Variants in HOPX observed in about 807,000 individuals in gnomAD.
The protein encoded by HOPX is HOP homeobox.
A neutral mutation model predicts 11.8 loss-of-function variants in HOPX; 5 were observed. The observed-to-expected ratio is 0.43, with a 90% confidence interval of 0.22 to 0.89. The LOEUF (loss-of-function observed/expected upper bound fraction) is 0.89, where lower values mean the gene tolerates loss of function less well. HOPX is among the 40% of genes least tolerant of loss of function. The pLI is 0.28. For synonymous variants in HOPX, 49 were observed against 49.7 expected (o/e 0.99, Z 0.06); for missense variants, 119 against 120.0 (o/e 0.99, Z 0.04).
At chr4:56,679,245 A>G (rs1443291337) in intron 1 of HOPX, 1 of 152,208 alleles carries the variant, frequency 6.6e-6, no homozygotes, top group African/African-American at 2.4e-5. Flanking sequence ...CTATCTCAAA[A>G]AAATAAAAAT....
intron 1 of HOPX, chr4:56,676,633 G>A (rs1227856662): frequency 2.0e-5 from 3 of 151,340 alleles, no homozygotes; most frequent in South Asian, 2.1e-4. Flanking sequence ...AACTGGTGTT[G>A]ACTGCTGCCC....
chr4:56,663,732 G>T (rs543543649), intron 1 of HOPX: 1 of 152,078 alleles, frequency 6.6e-6, no homozygotes, highest in Non-Finnish European at 1.5e-5. Flanking sequence ...TGATCCGCCA[G>T]CCTCGGCCTC....
chr4:56,670,404 A>G (rs1718673019), intron 1 of HOPX, among the ~76,000 whole-genome samples: 1 of 152,234 alleles, frequency 6.6e-6, no homozygotes, highest in Admixed American at 6.5e-5. Context: ...TTTAAACCAG[A>G]AGAGAAATGT....
chr4:56,648,458 C>A lies in HOPX; in HGVS notation c.*262G>T. On this transcript the variant is annotated 3_prime_UTR_variant, in exon 4 of 4. Coordinates refer to ENST00000420433, the MANE Select transcript of HOPX (RefSeq NM_032495.6). ...AGATGGTTTTCACACCATCTGTCAT[C>A]ATGACTCAAAGGGAAATGCTAGCCA... 2.8e-6 allele frequency: 1 copy of A among 352,142 alleles called. No homozygotes were observed. 21.8% of individuals were successfully genotyped at this position (352,142 alleles called of 1,614,324 possible).
chr4:56,674,796 G>A (rs766363899), intron 1 of HOPX, among the ~76,000 whole-genome samples: 3 of 151,104 alleles, frequency 2.0e-5, no homozygotes, highest in Non-Finnish European at 4.4e-5. Flanking sequence ...CCAGACTGGA[G>A]TACAGTGGCA....
intron 1 of HOPX, among the ~76,000 whole-genome samples, chr4:56,677,709 G>C (rs1048534061): frequency 6.6e-6 from 1 of 151,536 alleles, no homozygotes; most frequent in Non-Finnish European, 1.5e-5. Context: ...ACCCATACAG[G>C]TGCTGAGGGA....
intron 1 of HOPX, among the ~76,000 whole-genome samples, chr4:56,670,158 C>G (rs1718659337): frequency 6.6e-6 from 1 of 152,096 alleles, no homozygotes; most frequent in Non-Finnish European, 1.5e-5. Context: ...CCAACAGAGT[C>G]AATCCTATGA....
chr4:56,651,866 G>A (rs1578325138), intron 3 of HOPX, among the ~76,000 whole-genome samples: 1 of 137,962 alleles, frequency 7.2e-6, no homozygotes, highest in East Asian at 2.2e-4. Context: ...GAAAGAGAGA[G>A]AGAGAGAGTG....
intron 1 of HOPX, among the ~76,000 whole-genome samples, chr4:56,661,571 C>A (rs563042815): frequency 6.6e-6 from 1 of 152,196 alleles, no homozygotes; most frequent in Non-Finnish European, 1.5e-5. Flanking sequence ...CCCTTACCAC[C>A]AGTGTATAGC....
chr4:56,660,671 A>G (rs889104878), intron 1 of HOPX, among the ~76,000 whole-genome samples: 7 of 152,242 alleles, frequency 4.6e-5, no homozygotes, highest in Non-Finnish European at 8.8e-5. Flanking sequence ...TTGGAAAAGT[A>G]TGAGAGTTGT....
At chr4:56,673,730 A>G (rs1211858499) in intron 1 of HOPX, among the ~76,000 whole-genome samples, 1 of 152,114 alleles carries the variant, frequency 6.6e-6, no homozygotes, top group Non-Finnish European at 1.5e-5. Context: ...GTGTGTGTGT[A>G]GTCTCGCTCT....
intron 1 of HOPX, among the ~76,000 whole-genome samples, chr4:56,670,134 T>C (rs1718657905): frequency 6.6e-6 from 1 of 152,224 alleles, no homozygotes; most frequent in Non-Finnish European, 1.5e-5. Context: ...TAAGTGTGAA[T>C]ATCCATTACA....
chr4:56,676,552 T>A (rs1471984004), intron 1 of HOPX: 3 of 151,454 alleles, frequency 2.0e-5, no homozygotes, highest in African/African-American at 4.9e-5. Flanking sequence ...TTTTTTTTTT[T>A]ATTTTGGAGA....
intron 1 of HOPX, among the ~76,000 whole-genome samples, chr4:56,666,862 G>A (rs1718466968): frequency 6.6e-6 from 1 of 152,016 alleles, no homozygotes; most frequent in Non-Finnish European, 1.5e-5. Context: ...AAGATCCCAG[G>A]CTAACCCACT....
At chr4:56,676,178 G>A (rs963985538) in intron 1 of HOPX, among the ~76,000 whole-genome samples, 1 of 151,506 alleles carries the variant, frequency 6.6e-6, no homozygotes, top group Non-Finnish European at 1.5e-5. Flanking sequence ...TGTGTCTGTG[G>A]TCCCAACTAC....
At chr4:56,666,663 T>C (rs1242991555) in intron 1 of HOPX, among the ~76,000 whole-genome samples, 2 of 152,212 alleles carry the variant, frequency 1.3e-5, no homozygotes, top group African/African-American at 4.8e-5. Context: ...ATGAAATAAG[T>C]GGAGTATTTA....
intron 1 of HOPX, chr4:56,659,370 C>T (rs1384961648): frequency 6.6e-6 from 1 of 152,154 alleles, no homozygotes; most frequent in African/African-American, 2.4e-5. Flanking sequence ...GTGGCCACTT[C>T]CGCAAGAGAA....
intron 1 of HOPX, among the ~76,000 whole-genome samples, chr4:56,660,092 T>C (rs992235587): frequency 9.9e-5 from 15 of 152,216 alleles, no homozygotes; most frequent in African/African-American, 3.1e-4. Flanking sequence ...AAGCAAATCA[T>C]TGAAAGGAAA....
intron 3 of HOPX, among the ~76,000 whole-genome samples, chr4:56,651,815 C>T (rs138685320): frequency 6.6e-6 from 1 of 151,096 alleles, no homozygotes; most frequent in African/African-American, 2.4e-5. Flanking sequence ...AGAACCAATT[C>T]CAGTTACATT....
Sources: gnomAD v4.1 joint callset for allele counts (sites outside exome capture counted in the v4.1 genomes callset) on GRCh38, gnomAD v4.1.1 for gene constraint, MANE v1.5 for transcripts, NCBI Gene and HGNC (gene_info 2026-07-23, HGNC 2026-07-21) for gene names.